The following ELMO1 variants were observed in gnomAD, a reference collection of about 807,000 sequenced individuals.
ELMO1 encodes engulfment and cell motility protein 1.
ELMO1 carries 26 observed loss-of-function variants against 98.9 expected under a neutral mutation model. The ratio of observed to expected loss-of-function variants is 0.26; its 90% CI spans 0.19 to 0.36. ELMO1 has a LOEUF of 0.36. ELMO1 is among the 10% of genes least tolerant of loss of function. The probability of loss-of-function intolerance (pLI) is 1.00; values close to 1 mark genes in which losing one functional copy is unlikely to be tolerated. For missense variants in ELMO1, 627 were observed against 935.2 expected (o/e 0.67, Z 4.30); for synonymous variants, 346 against 346.0 (o/e 1.00, Z 0.00).
At chr7:37,065,651 C>G (rs964623334) in intron 15 of ELMO1, among the ~76,000 whole-genome samples, 3 of 152,152 alleles carry the variant, frequency 2.0e-5, no homozygotes, top group African/African-American at 7.2e-5. Flanking sequence ...AACTTTAGTA[C>G]CAACCCACAT....
chr7:37,063,468 T>C (rs749312292), intron 15 of ELMO1, among the ~76,000 whole-genome samples: 1 of 152,168 alleles, frequency 6.6e-6, no homozygotes, highest in Non-Finnish European at 1.5e-5. Context: ...AATTATAAGA[T>C]AGGCATATGC....
intron 13 of ELMO1, among the ~76,000 whole-genome samples, chr7:37,205,995 A>C (rs1792594036): frequency 6.6e-6 from 1 of 152,090 alleles, no homozygotes; most frequent in South Asian, 2.1e-4. Context: ...GCAGTTTCCC[A>C]AGCACCCAGT....
At chr7:36,990,674 T>C (rs1791815474) in intron 16 of ELMO1, among the ~76,000 whole-genome samples, 2 of 152,174 alleles carry the variant, frequency 1.3e-5, no homozygotes. Flanking sequence ...TCATGAAATT[T>C]TATTCCTTTC....
intron 4 of ELMO1, among the ~76,000 whole-genome samples, chr7:37,294,331 T>C (rs1474649511): frequency 3.4e-5 from 5 of 148,868 alleles, no homozygotes; most frequent in African/African-American, 1.2e-4. Context: ...CACTCCAGCC[T>C]AGGTGACTGA....
intron 13 of ELMO1, among the ~76,000 whole-genome samples, chr7:37,195,556 C>T (rs1791915954): frequency 6.6e-6 from 1 of 152,248 alleles, no homozygotes; most frequent in South Asian, 2.1e-4. Context: ...GATGCCCAGC[C>T]ATGCCCAGCT....
At chr7:36,900,599 G>A (rs1449242455) in intron 16 of ELMO1, among the ~76,000 whole-genome samples, 4 of 152,286 alleles carry the variant, frequency 2.6e-5, no homozygotes, top group African/African-American at 9.6e-5. Flanking sequence ...GGGCAGAGTT[G>A]GAAGGGGATA....
At chr7:37,229,296 T>G (rs925023668) in intron 8 of ELMO1, among the ~76,000 whole-genome samples, 2 of 152,172 alleles carry the variant, frequency 1.3e-5, no homozygotes, top group Non-Finnish European at 2.9e-5. Context: ...TTTTTTTCTT[T>G]TCTTTCTACT....
chr7:36,962,667 G>A (rs897269629), intron 16 of ELMO1, among the ~76,000 whole-genome samples: 7 of 151,512 alleles, frequency 4.6e-5, no homozygotes, highest in South Asian at 2.1e-4. Flanking sequence ...GGGAATTAAC[G>A]GGGGTGGGGT....
At chr7:37,307,299 G>T (rs536915523) in intron 4 of ELMO1, among the ~76,000 whole-genome samples, 49 of 152,194 alleles carry the variant, frequency 3.2e-4, no homozygotes, top group African/African-American at 1.1e-3. Context: ...CATGGGGGTG[G>T]TTACCTCCAT....
At chr7:37,178,119 T>C (rs544492646) in intron 13 of ELMO1, among the ~76,000 whole-genome samples, 1 of 152,096 alleles carries the variant, frequency 6.6e-6, no homozygotes, top group African/African-American at 2.4e-5. Flanking sequence ...TCCGTTTTCA[T>C]GCTGCTGATA....
At chr7:37,165,742 T>G (rs1293389716) in intron 13 of ELMO1, among the ~76,000 whole-genome samples, 1 of 152,300 alleles carries the variant, frequency 6.6e-6, no homozygotes, top group East Asian at 1.9e-4. Context: ...GGTTTACCAG[T>G]ATTTTATTGA....
Position 36,921,320 on chromosome 7 carries a change from C to G in ELMO1, c.1438-26303G>C, listed in dbSNP as rs1785138960. 2.6e-5 allele frequency among the ~76,000 whole-genome samples: 4 copies of G among 152,348 alleles called. No homozygotes were observed. The South Asian group carries it at 8.3e-4, about 32-fold the overall frequency. ...GGACCAAATCTTCTGCCTTTGGAAC[C>G]TGGCTCTGCCACTTACTAGCTAGCT... On this transcript the variant is annotated intron_variant, in intron 16 of 21. Coordinates refer to ENST00000310758, the MANE Select transcript of ELMO1 (RefSeq NM_014800.11).
At chr7:37,119,837 A>G (rs1001539571) in intron 14 of ELMO1, among the ~76,000 whole-genome samples, 8 of 152,214 alleles carry the variant, frequency 5.3e-5, no homozygotes, top group Non-Finnish European at 1.2e-4. Context: ...ATTATCTTCT[A>G]TAACAGTCAG....
chr7:37,431,163 C>T (rs980235784), intron 1 of ELMO1, among the ~76,000 whole-genome samples: 1 of 152,096 alleles, frequency 6.6e-6, no homozygotes, highest in Non-Finnish European at 1.5e-5. Flanking sequence ...ATAGCAAAAC[C>T]CCATCTCTAC....
At chr7:37,158,410 T>A (rs943864890) in intron 13 of ELMO1, among the ~76,000 whole-genome samples, 16 of 152,204 alleles carry the variant, frequency 1.1e-4, no homozygotes, top group African/African-American at 3.6e-4. Flanking sequence ...TCTATCCATC[T>A]GACAAAGGAC....
intron 13 of ELMO1, among the ~76,000 whole-genome samples, chr7:37,139,872 T>C (rs888702423): frequency 3.3e-5 from 5 of 152,016 alleles, no homozygotes; most frequent in Non-Finnish European, 4.4e-5. Context: ...AATAGGCACA[T>C]AGACCAATAG....
At chr7:37,349,070 C>T (rs1485280070) in intron 1 of ELMO1, among the ~76,000 whole-genome samples, 1 of 152,210 alleles carries the variant, frequency 6.6e-6, no homozygotes, top group African/African-American at 2.4e-5. Flanking sequence ...CCCTCCCCTA[C>T]TGCACTCACA....
rs3054254 is a variant in ELMO1, at chr7:37,439,980, GGT to G, written c.-74+8693_-74+8694del. Among the ~76,000 whole-genome samples, 915 of 150,256 alleles carry G rather than the reference GGT, an allele frequency of 6.1e-3. 5 individuals are homozygous for G. Among genetic ancestry groups the G allele is most frequent in the Non-Finnish European group, 0.01 (682 of 67,382 alleles). On this transcript the variant is annotated intron_variant, in intron 1 of 21. Coordinates refer to ENST00000310758, the MANE Select transcript of ELMO1 (RefSeq NM_014800.11). Reference sequence around the variant, plus strand: ...GGCCTTTCATTATTAGAGCTGCATGGGTGTGTGTGTGTGTGTGTGTCTTTCTC... The same window carrying G: ...GGCCTTTCATTATTAGAGCTGCATGGGTGTGTGTGTGTGTGTGTCTTTCTC...
intron 16 of ELMO1, among the ~76,000 whole-genome samples, chr7:36,968,499 G>A (rs554263386): frequency 4.6e-5 from 7 of 152,258 alleles, no homozygotes; most frequent in African/African-American, 9.6e-5. Context: ...GCAGGCATGC[G>A]TGTCTGGGTG....
Sources: gnomAD v4.1 joint callset for allele counts (sites outside exome capture counted in the v4.1 genomes callset) on GRCh38, gnomAD v4.1.1 for gene constraint, MANE v1.5 for transcripts, NCBI Gene and HGNC (gene_info 2026-07-23, HGNC 2026-07-21) for gene names.